Variants in WDR33 observed in about 807,000 individuals in gnomAD.
WDR33 encodes pre-mRNA 3' end processing protein WDR33.
Under a neutral mutation model 164.9 loss-of-function variants are expected in WDR33, and 47 were observed. The observed-to-expected ratio is 0.29, with a 90% CI of 0.23 to 0.36. WDR33 has a LOEUF of 0.36. WDR33 is among the 10% of genes least tolerant of loss of function. The pLI is 1.00. For missense variants in WDR33, 1,137 were observed against 1,754.1 expected, an observed-to-expected ratio of 0.65 and a Z score of 6.28; for synonymous variants, 505 against 589.0, an observed-to-expected ratio of 0.86 and a Z score of 2.06.
chr2:127,789,628 C>T (rs1257541288), intron 1 of WDR33, among the ~76,000 whole-genome samples: 1 of 151,502 alleles, frequency 6.6e-6, no homozygotes, highest in Non-Finnish European at 1.5e-5. Context: ...TGCAGTGAGC[C>T]GAGATGGCAG....
chr2:127,722,752 G>C lies in WDR33; in HGVS notation c.1379-22C>G. The C allele has an allele frequency of 6.2e-7, 1 of 1,608,480 alleles. No homozygotes were observed. The highest frequency in any genetic ancestry group is 8.5e-7 in the Non-Finnish European group (1 of 1,177,856). On this transcript the variant is annotated intron_variant, in intron 13 of 21. Transcript: ENST00000322313. The surrounding 1 kb of genome is among the most constrained non-coding windows in gnomAD (Gnocchi z 5.1). ...TTCCCTGTAACCGTAAAGAAAAGTG[G>C]TTTGCCTCTTAAATAAAAGAAATTG...
In WDR33 at chr2:127,763,464, A is replaced by G. The variant is rs1484282232; in HGVS notation, c.627-305T>C. 8.9e-7 allele frequency: 1 copy of G among 1,118,762 alleles called. No individual in the cohort carries two copies. The highest frequency in any genetic ancestry group is 1.1e-6 in the Non-Finnish European group (1 of 911,874). 69.3% of individuals were successfully genotyped at this position (1,118,762 alleles called of 1,614,324 possible). ...TCTATGATACGAGGAAATCACATGA[A>G]GCTGCCTTAAGTGGTGAAAATAAAT... On this transcript the variant is annotated intron_variant, in intron 6 of 21. Coordinates refer to ENST00000322313, the MANE Select transcript of WDR33 (RefSeq NM_018383.5). This position sits in a 1 kb window ranked among gnomAD's most constrained non-coding sequence, Gnocchi z 4.5.
chr2:127,807,915 T>C (rs1423394603), intron 1 of WDR33, among the ~76,000 whole-genome samples: 1 of 152,198 alleles, frequency 6.6e-6, no homozygotes, highest in African/African-American at 2.4e-5. Context: ...CAGTGAGCCA[T>C]GATCATGCCA....
chr2:127,703,672 T>G lies in WDR33; in HGVS notation c.*2651A>C, dbSNP rs959928323. ...GCAAATGCAGTATCTTCAGAATGAT[T>G]TATTTTTTTAATTAATTGTAAAGAC... is the stretch of plus-strand genomic sequence containing the variant. On this transcript the variant is annotated 3_prime_UTR_variant, in exon 22 of 22. Coordinates refer to ENST00000322313, the MANE Select transcript of WDR33 (RefSeq NM_018383.5). 3.6e-5 allele frequency: 6 copies of G among 167,090 alleles called. No homozygotes were observed. The Admixed American group carries it at 3.9e-4, about 11-fold the overall frequency. The allele number at this position is 167,090 out of a possible 1,614,324, so 10.4% of individuals were successfully genotyped here.
chr2:127,748,998 A>G (rs899199650), intron 7 of WDR33, among the ~76,000 whole-genome samples: 3 of 152,174 alleles, frequency 2.0e-5, no homozygotes, highest in Admixed American at 6.5e-5. Context: ...TTTTGATGAA[A>G]GATTTTTAAA....
Position 127,721,168 on chromosome 2 carries a change from T to C in WDR33, c.1671+668A>G, listed in dbSNP as rs1010344683. Among the ~76,000 whole-genome samples, 3 of 151,938 alleles carry C rather than the reference T, an allele frequency of 2.0e-5. No homozygotes were observed. The highest frequency in any genetic ancestry group is 7.3e-5 in the African/African-American group (3 of 41,336). On this transcript the variant is annotated intron_variant, in intron 15 of 21. Coordinates refer to ENST00000322313, the MANE Select transcript of WDR33 (RefSeq NM_018383.5). This position sits in a 1 kb window ranked among gnomAD's most constrained non-coding sequence, Gnocchi z 4.9. ...TGTGGCACAGGCTGGAGTGCAGTGGTACGATCTCGGCTCACTGAAACTTCT... is the reference window on the plus strand; with the variant it reads ...TGTGGCACAGGCTGGAGTGCAGTGGCACGATCTCGGCTCACTGAAACTTCT...
In WDR33 at chr2:127,764,112, T is replaced by C; in HGVS notation, c.626+716A>G. ...TTCTTCAGGCTTGTATTTGGAACTT[T>C]TTCCCCCAGTTTTACTATACATACC... On this transcript the variant is annotated intron_variant, in intron 6 of 21. Coordinates refer to ENST00000322313, the MANE Select transcript of WDR33 (RefSeq NM_018383.5). The surrounding 1 kb of genome is among the most constrained non-coding windows in gnomAD (Gnocchi z 6.2). The C allele has an allele frequency of 2.0e-6, 2 of 989,214 alleles. No homozygotes were observed. The highest frequency in any genetic ancestry group is 4.7e-5 in the South Asian group (1 of 21,422). 61.3% of individuals were successfully genotyped at this position (989,214 alleles called of 1,614,324 possible).
chr2:127,710,730 C>G lies in WDR33; in HGVS notation c.3309-874G>C, dbSNP rs1236936502. Reference sequence around the variant, plus strand: ...ACTGAGAGGCGGTGGCGCCACCCTGCAGGGCCCCTCTGCATGAGCTGCATG... The same window carrying G: ...ACTGAGAGGCGGTGGCGCCACCCTGGAGGGCCCCTCTGCATGAGCTGCATG... On this transcript the variant is annotated intron_variant, in intron 18 of 21. Coordinates refer to ENST00000322313, the MANE Select transcript of WDR33 (RefSeq NM_018383.5). This position sits in a 1 kb window ranked among gnomAD's most constrained non-coding sequence, Gnocchi z 4.4. Among the ~76,000 whole-genome samples, 6 of 152,130 alleles carry G rather than the reference C, an allele frequency of 3.9e-5. No individual in the cohort carries two copies. Among genetic ancestry groups the G allele is most frequent in the Middle Eastern group, 3.2e-3 (1 of 316 alleles).
rs1687760128 is a variant in WDR33 at position 127,764,318 on chromosome 2, C to A, written c.626+510G>T. ...CCATTCATTACTCCGTTAATGTTTG[C>A]CACATCCAGTTATCTGTGAGGGTTT... is the stretch of plus-strand genomic sequence containing the variant. On this transcript the variant is annotated intron_variant, in intron 6 of 21. Coordinates refer to ENST00000322313, the MANE Select transcript of WDR33 (RefSeq NM_018383.5). This position sits in a 1 kb window ranked among gnomAD's most constrained non-coding sequence, Gnocchi z 6.2. The A allele has an allele frequency of 6.0e-6, 8 of 1,342,436 alleles. No homozygotes were observed. In the South Asian group the frequency reaches 1.7e-4, roughly 29 times the overall value. The allele number at this position is 1,342,436 out of a possible 1,614,324, so 83.2% of individuals were successfully genotyped here. A position where few individuals can be genotyped will look rare whatever the true frequency, so the allele number is the denominator to read the frequency against.
At chr2:127,760,512 C>T (rs189801736) in intron 7 of WDR33, among the ~76,000 whole-genome samples, 1 of 152,276 alleles carries the variant, frequency 6.6e-6, no homozygotes, top group Admixed American at 6.5e-5. Context: ...TCTCATCATC[C>T]CTTGAAACCA....
In WDR33 at chr2:127,764,854, T is replaced by C. The variant is rs1687777862; in HGVS notation, c.600A>G (p.Ala200=). Residue 200 remains alanine (A), a synonymous_variant, in exon 6 of 22, where the codon GCA becomes GCG. Transcript: ENST00000322313. This position sits in a 1 kb window ranked among gnomAD's most constrained non-coding sequence, Gnocchi z 6.2. ...TGGCCTCTCTAATCGCCTCCTTATGTGCCTGGAACATCTTGACGTTGTTCA... is the reference window on the plus strand; with the variant it reads ...TGGCCTCTCTAATCGCCTCCTTATGCGCCTGGAACATCTTGACGTTGTTCA... ...SNMNNVKMFQ[A]HKEAIREASF... 1 of 1,614,210 alleles carries C rather than the reference T, an allele frequency of 6.2e-7. No homozygotes were observed. Among genetic ancestry groups the C allele is most frequent in the Non-Finnish European group, 8.5e-7 (1 of 1,180,040 alleles).
Position 127,709,543 on chromosome 2 carries a change from G to A in WDR33, c.3512C>T (p.Pro1171Leu), listed in dbSNP as rs561749994. The change falls in exon 20 of 22, where the codon CCT becomes CTT. Residue 1171 changes from proline (P) to leucine (L), a missense_variant. Physicochemically the swap from Pro to Leu is moderately conservative, Grantham distance 98 (BLOSUM62 -3). Around this residue, in one of 9 missense-constraint regions of WDR33, gnomAD observed 867 missense variants for 1,073.0 expected, o/e 0.81. Transcript: ENST00000322313. The surrounding 1 kb of genome is among the most constrained non-coding windows in gnomAD (Gnocchi z 5.0). ...KGLLPTPDEF[P>L]RFEGGRKPDS... is the part of the protein sequence containing the mutation. ...TGGCTTCCGCCCTCCTTCAAAGCGA[G>A]GGAACTCGTCAGGAGTGGGAAGTAA... is the stretch of plus-strand genomic sequence containing the variant. The A allele has an allele frequency of 5.0e-6, 8 of 1,614,166 alleles. No individual in the cohort carries two copies. The highest frequency in any genetic ancestry group is 1.1e-5 in the South Asian group (1 of 91,082).
intron 1 of WDR33, among the ~76,000 whole-genome samples, chr2:127,783,097 C>T (rs747180230): frequency 1.3e-5 from 2 of 152,174 alleles, no homozygotes; most frequent in Non-Finnish European, 2.9e-5. Context: ...AGGACTTGAG[C>T]ATCTGTGGAT....
Position 127,763,440 on chromosome 2 carries a change from CTA to C in WDR33, c.627-283_627-282del. Reference sequence around the variant, plus strand: ...GCTATCCATGTTCCTTCTCTATTTTCTATGATACGAGGAAATCACATGAAGCT... The same window carrying C: ...GCTATCCATGTTCCTTCTCTATTTTCTGATACGAGGAAATCACATGAAGCT... On this transcript the variant is annotated intron_variant, in intron 6 of 21. Coordinates refer to ENST00000322313, the MANE Select transcript of WDR33 (RefSeq NM_018383.5). This position sits in a 1 kb window ranked among gnomAD's most constrained non-coding sequence, Gnocchi z 4.5. 1 of 1,152,080 alleles carries C rather than the reference CTA, an allele frequency of 8.7e-7. No individual in the cohort carries two copies. The highest frequency in any genetic ancestry group is 4.9e-5 in the East Asian group (1 of 20,232). 71.4% of individuals were successfully genotyped at this position (1,152,080 alleles called of 1,614,324 possible).
chr2:127,702,331 A>T lies in WDR33; in HGVS notation c.*3992T>A, dbSNP rs539278146. ...GTCTAATCCGGGAGCGGCTGCTGCC[A>T]GCGGAGGCGACAGCAGCGTTGGGAG... On this transcript the variant is annotated 3_prime_UTR_variant, in exon 22 of 22. Transcript: ENST00000322313. 2.6e-6 allele frequency: 2 copies of T among 755,346 alleles called. No individual in the cohort carries two copies. The highest frequency in any genetic ancestry group is 3.5e-6 in the Non-Finnish European group (2 of 563,444). 46.8% of individuals were successfully genotyped at this position (755,346 alleles called of 1,614,324 possible). A position where few individuals can be genotyped will look rare whatever the true frequency, so the allele number is the denominator to read the frequency against.
chr2:127,752,219 A>AT (rs1190929894), intron 7 of WDR33, among the ~76,000 whole-genome samples: 1 of 152,208 alleles, frequency 6.6e-6, no homozygotes, highest in Non-Finnish European at 1.5e-5. Flanking sequence ...TTAGGGATTA[A>AT]TTCTTGTGCT....
chr2:127,726,855 A>T lies in WDR33; in HGVS notation c.725-78T>A. ...AATTTAAACCAAAGTAGAGAAACCT[A>T]GTAAATGTTTTGCTCTCAGTGCTCA... On this transcript the variant is annotated intron_variant, in intron 7 of 21. Coordinates refer to ENST00000322313, the MANE Select transcript of WDR33 (RefSeq NM_018383.5). The surrounding 1 kb of genome is among the most constrained non-coding windows in gnomAD (Gnocchi z 4.8). The T allele has an allele frequency of 6.4e-7, 1 of 1,566,426 alleles. No individual in the cohort carries two copies. The highest frequency in any genetic ancestry group is 2.3e-5 in the East Asian group (1 of 44,272).
intron 1 of WDR33, among the ~76,000 whole-genome samples, chr2:127,803,267 A>G (rs543445304): frequency 2.0e-5 from 3 of 152,252 alleles, no homozygotes; most frequent in African/African-American, 7.2e-5. Flanking sequence ...ACTAATGTTA[A>G]CTTTGATTAG....
rs1300995812 is a variant in WDR33 at position 127,741,542 on chromosome 2, AT to A, written c.725-14766del. Among the ~76,000 whole-genome samples, 2 of 152,202 alleles carry A rather than the reference AT, an allele frequency of 1.3e-5. No individual in the cohort carries two copies. Among genetic ancestry groups the A allele is most frequent in the Non-Finnish European group, 2.9e-5 (2 of 68,028 alleles). The stretch of plus-strand genomic sequence containing the variant: ...CACAGACACACGAATCCACAGTGAG[AT>A]CTTCCATCCAGGAGAGGACCCTTGT... On this transcript the variant is annotated intron_variant, in intron 7 of 21. Transcript: ENST00000322313. The surrounding 1 kb of genome is among the most constrained non-coding windows in gnomAD (Gnocchi z 4.1).
Sources: allele counts gnomAD v4.1 joint callset (sites outside exome capture counted in the v4.1 genomes callset), GRCh38; gene constraint gnomAD v4.1.1; regional missense constraint gnomAD v4.1.1; non-coding constraint Gnocchi (gnomAD v3.1); transcripts MANE v1.5; gene names NCBI Gene and HGNC (gene_info 2026-07-23, HGNC 2026-07-21).